Variants in NEK1 observed in about 807,000 individuals in gnomAD.
NEK1 encodes the protein serine/threonine-protein kinase Nek1.
In NEK1, 137 loss-of-function variants were observed where a neutral mutation model predicts 182.1. That is an observed-to-expected ratio of 0.75 (90% CI 0.65 to 0.87). The LOEUF (loss-of-function observed/expected upper bound fraction) is 0.87, where lower values mean the gene tolerates loss of function less well. Among genes scored for constraint, NEK1 ranks in the 40% least tolerant of loss-of-function variants. The pLI, the probability that NEK1 is intolerant of heterozygous loss-of-function variation, is 0.00. For missense variants in NEK1, 1,391 were observed against 1,494.4 expected (o/e 0.93, Z 1.14); for synonymous variants, 513 against 492.2 (o/e 1.04, Z -0.56).
In NEK1 at chr4:169,508,865, T is replaced by C. The variant is rs757242425; in HGVS notation, c.1666-13A>G. The C allele has an allele frequency of 2.5e-6, 4 of 1,570,454 alleles. No individual in the cohort carries two copies. Among genetic ancestry groups the C allele is most frequent in the Admixed American group, 1.7e-5 (1 of 57,382 alleles). On this transcript the variant is annotated splice_polypyrimidine_tract_variant and intron_variant, in intron 19 of 35. Coordinates refer to ENST00000507142, the MANE Select transcript of NEK1 (RefSeq NM_001199397.3). ...TTTGCAGGATTCCCTGTTTATCATT[T>C]AATGTACTAAGTTTAAAGAATGACT...
chr4:169,494,330 T>C (rs1265969706), intron 23 of NEK1, among the ~76,000 whole-genome samples: 1 of 152,140 alleles, frequency 6.6e-6, no homozygotes, highest in Admixed American at 6.5e-5. Context: ...TTCCCACCTA[T>C]GAGTGAGAAC....
At position 169,561,668 on chromosome 4, in the gene NEK1, T is replaced by G. The variant is rs1472406884; in HGVS notation, c.1191+19A>C. ...GTATTCCTTAAGAAAAAAGTATATTTAATAGATTATCCTCTTACCCTTTCC... is the reference window on the plus strand; with the variant it reads ...GTATTCCTTAAGAAAAAAGTATATTGAATAGATTATCCTCTTACCCTTTCC... On this transcript the variant is annotated intron_variant, in intron 15 of 35. Transcript: ENST00000507142. 7 of 1,565,962 alleles carry G rather than the reference T, an allele frequency of 4.5e-6. No homozygotes were observed. The highest frequency in any genetic ancestry group is 6.1e-6 in the Non-Finnish European group (7 of 1,153,256).
At chr4:169,418,869 T>A (rs1299280839) in intron 31 of NEK1, among the ~76,000 whole-genome samples, 1 of 152,088 alleles carries the variant, frequency 6.6e-6, no homozygotes, top group Non-Finnish European at 1.5e-5. Flanking sequence ...ATGAAAAGTA[T>A]AAACCTAAGG....
chr4:169,406,691 A>T lies in NEK1; in HGVS notation c.3279T>A (p.Asp1093Glu), dbSNP rs756693133. The T allele has an allele frequency of 1.1e-5, 17 of 1,610,830 alleles. No homozygotes were observed. The highest frequency in any genetic ancestry group is 1.4e-5 in the Non-Finnish European group (17 of 1,178,392). The part of the protein sequence containing the change: ...DLSKLFRTLM[D>E]VPTVGDVRQD... ...GACGAACATCTCCTACGGTGGGAAC[A>T]TCCATAAGGGTTCTGAACAGCTTTG... The change falls in exon 32 of 36, where the codon GAT becomes GAA. Residue 1093 changes from aspartate (D) to glutamate (E), a missense_variant. Coordinates refer to ENST00000507142, the MANE Select transcript of NEK1 (RefSeq NM_001199397.3).
intron 19 of NEK1, among the ~76,000 whole-genome samples, chr4:169,526,900 G>A (rs187667414): frequency 6.3e-4 from 96 of 152,260 alleles, no homozygotes; most frequent in African/African-American, 2.3e-3. Context: ...AAAAATATTT[G>A]AAGAAATAAT....
At chr4:169,436,893 AGTCT>A (rs1002579719) in intron 28 of NEK1, among the ~76,000 whole-genome samples, 8 of 152,256 alleles carry the variant, frequency 5.3e-5, no homozygotes, top group Admixed American at 2.0e-4. Context: ...GGTAGAGAAG[AGTCT>A]GTCTCAGAAA....
chr4:169,564,975 C>T (rs1404103108), intron 12 of NEK1, among the ~76,000 whole-genome samples: 2 of 152,104 alleles, frequency 1.3e-5, no homozygotes, highest in Non-Finnish European at 1.5e-5. Flanking sequence ...CTAAAGAATG[C>T]ATTTACTCTC....
In NEK1 at chr4:169,424,944, T is replaced by C. The variant is rs150385233; in HGVS notation, c.2975-144A>G. 343 of 678,132 alleles carry C rather than the reference T, an allele frequency of 5.1e-4. 6 individuals carry two copies. The East Asian group carries it at 8.6e-3, about 17-fold the overall frequency. 42.0% of individuals were successfully genotyped at this position (678,132 alleles called of 1,614,324 possible). ...TAAAATCAAAATATGTGTGTCAGTA[T>C]ATTACCTTCTGAATAATCTTTAATA... On this transcript the variant is annotated intron_variant, in intron 30 of 35. Coordinates refer to ENST00000507142, the MANE Select transcript of NEK1 (RefSeq NM_001199397.3).
In NEK1 at chr4:169,412,381, C is replaced by T. The variant is rs193164233; in HGVS notation, c.3223-5634G>A. On this transcript the variant is annotated intron_variant, in intron 31 of 35. Transcript: ENST00000507142. The stretch of plus-strand genomic sequence containing the variant: ...TCTTCTGAAGGTGGAACAGTGTTTC[C>T]CTAGACTGATTTCTACTTTTAAAAG... Among the ~76,000 whole-genome samples, 3 of 152,276 alleles carry T rather than the reference C, an allele frequency of 2.0e-5. No individual in the cohort carries two copies. The East Asian group carries it at 5.8e-4, about 29-fold the overall frequency.
At chr4:169,611,672 C>T (rs1474361359) in intron 2 of NEK1, among the ~76,000 whole-genome samples, 1 of 152,192 alleles carries the variant, frequency 6.6e-6, no homozygotes, top group Non-Finnish European at 1.5e-5. Context: ...TCTAAGATTA[C>T]AGGGTAACCA....
intron 23 of NEK1, among the ~76,000 whole-genome samples, chr4:169,486,073 G>A (rs968458596): frequency 1.4e-5 from 2 of 141,170 alleles, no homozygotes; most frequent in African/African-American, 6.1e-5. Flanking sequence ...ACAAAGCACA[G>A]TCTTTCAAAG....
chr4:169,396,196 T>C (rs1730658783), intron 35 of NEK1, among the ~76,000 whole-genome samples: 1 of 151,176 alleles, frequency 6.6e-6, no homozygotes, highest in South Asian at 2.1e-4. Flanking sequence ...TGAAACCCTG[T>C]CTCTACTAAA....
intron 28 of NEK1, among the ~76,000 whole-genome samples, chr4:169,435,260 G>A (rs993594727): frequency 6.6e-6 from 1 of 151,982 alleles, no homozygotes; most frequent in African/African-American, 2.4e-5. Context: ...AAGCTCTCTG[G>A]CCTATTCTTA....
intron 2 of NEK1, among the ~76,000 whole-genome samples, chr4:169,606,270 G>A (rs544591197): frequency 1.2e-4 from 18 of 148,116 alleles, no homozygotes; most frequent in South Asian, 6.7e-4. Flanking sequence ...AGATTGACCC[G>A]TACATATTTA....
intron 28 of NEK1, among the ~76,000 whole-genome samples, chr4:169,436,591 T>C (rs1232491712): frequency 6.6e-6 from 1 of 152,136 alleles, no homozygotes; most frequent in Non-Finnish European, 1.5e-5. Context: ...TAGAGATTAA[T>C]TGAAGAAAAA....
At chr4:169,556,127 T>C (rs1762132999) in intron 16 of NEK1, 32 bp from the exon 17 acceptor site, 1 of 1,593,786 alleles carries the variant, frequency 6.3e-7, no homozygotes, top group Non-Finnish European at 8.5e-7. Context: ...CTCACATGTT[T>C]ATCTTATAAG....
intron 5 of NEK1, among the ~76,000 whole-genome samples, chr4:169,595,397 T>TA (rs1334897691): frequency 1.3e-5 from 2 of 152,244 alleles, no homozygotes; most frequent in Non-Finnish European, 2.9e-5. Flanking sequence ...TTTATAAACT[T>TA]AAAATGATAT....
intron 23 of NEK1, among the ~76,000 whole-genome samples, chr4:169,500,041 G>A (rs1162767666): frequency 6.6e-6 from 1 of 152,178 alleles, no homozygotes; most frequent in Non-Finnish European, 1.5e-5. Flanking sequence ...GCTGCGGTGG[G>A]CTCCACCCAG....
At chr4:169,603,242 C>G (rs962537449) in intron 2 of NEK1, among the ~76,000 whole-genome samples, 3 of 152,154 alleles carry the variant, frequency 2.0e-5, no homozygotes, top group Non-Finnish European at 4.4e-5. Context: ...CGTATTTAGC[C>G]AGTAGTGCCT....
Sources: allele counts gnomAD v4.1 joint callset (sites outside exome capture counted in the v4.1 genomes callset), GRCh38; gene constraint gnomAD v4.1.1; transcripts MANE v1.5; gene names NCBI Gene and HGNC (gene_info 2026-07-23, HGNC 2026-07-21).